Variants in THSD4 observed in about 807,000 individuals in gnomAD.
THSD4 encodes thrombospondin type-1 domain-containing protein 4.
In THSD4, 69 loss-of-function variants were observed where a neutral mutation model predicts 119.0. The ratio of observed to expected loss-of-function variants is 0.58; its 90% CI spans 0.48 to 0.71. The LOEUF (loss-of-function observed/expected upper bound fraction) is 0.71, where lower values mean the gene tolerates loss of function less well. Among genes scored for constraint, THSD4 ranks in the 30% least tolerant of loss-of-function variants. The pLI, the probability that THSD4 is intolerant of heterozygous loss-of-function variation, is 0.00. For missense variants in THSD4, 1,393 were observed against 1,391.1 expected, an observed-to-expected ratio of 1.00 and a Z score of -0.02; for synonymous variants, 524 against 540.4, an observed-to-expected ratio of 0.97 and a Z score of 0.42.
At chr15:71,322,195 C>T (rs548041663) in intron 6 of THSD4, among the ~76,000 whole-genome samples, 1 of 152,112 alleles carries the variant, frequency 6.6e-6, no homozygotes, top group Non-Finnish European at 1.5e-5. Context: ...CCCTTGGTCT[C>T]CTGATTTGTA....
chr15:71,467,713 C>G (rs1360812816), intron 7 of THSD4, among the ~76,000 whole-genome samples: 50 of 152,114 alleles, frequency 3.3e-4, no homozygotes, highest in Admixed American at 3.3e-3. Context: ...CCACCCAAAT[C>G]TCATCTGAAG....
chr15:71,564,744 A>ATATATTG (rs1248604945), intron 7 of THSD4, among the ~76,000 whole-genome samples: 4 of 68,532 alleles, frequency 5.8e-5, no homozygotes, highest in Non-Finnish European at 9.4e-5. Context: ...ATAATACAAT[A>ATATATTG]TATAGTATAA....
At chr15:71,714,666 G>T (rs1479781885) in intron 8 of THSD4, among the ~76,000 whole-genome samples, 1 of 152,140 alleles carries the variant, frequency 6.6e-6, no homozygotes, top group East Asian at 1.9e-4. Context: ...GACCAACATG[G>T]TGAAACCCTG....
intron 14 of THSD4, among the ~76,000 whole-genome samples, chr15:71,756,907 T>C (rs2053549874): frequency 6.6e-6 from 1 of 152,208 alleles, no homozygotes; most frequent in Non-Finnish European, 1.5e-5. Context: ...TTTCACTGTA[T>C]CCTAGGAGAG....
rs769556610 is a variant in THSD4 at position 71,242,707 on chromosome 15, A to G, written c.523A>G (p.Ile175Val). Residue 175 changes from isoleucine to valine, a missense_variant, in exon 5 of 18, where the codon ATC (isoleucine) becomes GTC (valine). By Grantham distance (29) the Ile-to-Val change is conservative. Coordinates refer to ENST00000261862, the MANE Select transcript of THSD4 (RefSeq NM_024817.3). ...GKYGYGKAPY[I>V]LPLQTDTAHT... is the part of the protein sequence containing the mutation. ...GTATGGCTATGGTAAGGCCCCATAT[A>G]TCTTACCACTGCAGACAGACACTGC... is the stretch of plus-strand genomic sequence containing the variant. 9 of 1,614,000 alleles carry G rather than the reference A, an allele frequency of 5.6e-6. No individual in the cohort carries two copies. The African/African-American group carries it at 1.1e-4, about 19-fold the overall frequency.
chr15:71,223,941 G>A (rs2043994577), intron 4 of THSD4, among the ~76,000 whole-genome samples: 1 of 152,198 alleles, frequency 6.6e-6, no homozygotes, highest in Non-Finnish European at 1.5e-5. Flanking sequence ...AAGTGGAGAA[G>A]AAGTACTCCT....
At chr15:71,767,884 A>G (rs566424920) in intron 16 of THSD4, among the ~76,000 whole-genome samples, 2 of 152,330 alleles carry the variant, frequency 1.3e-5, no homozygotes, top group East Asian at 3.9e-4. Context: ...CCCAGAGCCA[A>G]CTTGTAGAGG....
At chr15:71,349,978 A>T (rs746192790) in intron 6 of THSD4, among the ~76,000 whole-genome samples, 1 of 152,154 alleles carries the variant, frequency 6.6e-6, no homozygotes, top group South Asian at 2.1e-4. Context: ...ACGTAATGCA[A>T]ATCGGTTTAT....
intron 7 of THSD4, among the ~76,000 whole-genome samples, chr15:71,457,517 C>T (rs2047357609): frequency 1.3e-5 from 2 of 151,918 alleles, no homozygotes; most frequent in Non-Finnish European, 2.9e-5. Context: ...AGGGTCCTTT[C>T]AAGGTCTGGC....
chr15:71,735,555 GCT>G (rs1327064930), intron 10 of THSD4, among the ~76,000 whole-genome samples: 1 of 131,336 alleles, frequency 7.6e-6, no homozygotes, highest in African/African-American at 2.9e-5. Context: ...TCTCTTTATT[GCT>G]CTCTGTCTCT....
chr15:71,408,167 C>CAAAA (rs57537140), intron 6 of THSD4, among the ~76,000 whole-genome samples: 1 of 148,252 alleles, frequency 6.7e-6, no homozygotes. Context: ...TACTTAAAGG[C>CAAAA]AAAAAAAAAA....
chr15:71,651,543 G>A (rs2051090278), intron 7 of THSD4, among the ~76,000 whole-genome samples: 1 of 152,086 alleles, frequency 6.6e-6, no homozygotes, highest in South Asian at 2.1e-4. Flanking sequence ...CCCAATGATA[G>A]CTAAGAAGCC....
rs1595792026 is a variant in THSD4 at position 71,463,317 on chromosome 15, G to T, written c.1152+51494G>T. 3.9e-5 allele frequency among the ~76,000 whole-genome samples: 6 copies of T among 152,250 alleles called. No homozygotes were observed. The South Asian group carries it at 1.2e-3, about 32-fold the overall frequency. On this transcript the variant is annotated intron_variant, in intron 7 of 17. Transcript: ENST00000261862. ...TATCCAAGTCACATATGGTAATGAG[G>T]AGTAGAACAGGACCCGTGACAGAGC...
chr15:71,633,220 G>A (rs1179194944), intron 7 of THSD4, among the ~76,000 whole-genome samples: 1 of 151,128 alleles, frequency 6.6e-6, no homozygotes, highest in African/African-American at 2.4e-5. Context: ...GGAATATAGT[G>A]CCTTGAATCA....
chr15:71,476,041 T>C (rs1020526009), intron 7 of THSD4, among the ~76,000 whole-genome samples: 2 of 152,192 alleles, frequency 1.3e-5, no homozygotes, highest in Non-Finnish European at 2.9e-5. Context: ...ATTAATCTTC[T>C]CGAGCCTCAC....
chr15:71,128,170 G>A lies in THSD4; in HGVS notation c.-80+12472G>A, dbSNP rs190499595. 3.2e-4 allele frequency among the ~76,000 whole-genome samples: 48 copies of A among 151,634 alleles called. 1 individual carries two copies. The highest frequency in any genetic ancestry group is 2.6e-3 in the Admixed American group (39 of 15,206). On this transcript the variant is annotated intron_variant, in intron 1 of 17. Coordinates refer to ENST00000261862, the MANE Select transcript of THSD4 (RefSeq NM_024817.3). Reference sequence around the variant, plus strand: ...GAATCAGTGGATTGGAAGATGTAACGATAGAAATTACCCAACCTGAGCAAC... The same window carrying A: ...GAATCAGTGGATTGGAAGATGTAACAATAGAAATTACCCAACCTGAGCAAC...
chr15:71,414,697 T>C (rs772482720), intron 7 of THSD4, among the ~76,000 whole-genome samples: 93 of 152,212 alleles, frequency 6.1e-4, no homozygotes, highest in Non-Finnish European at 1.1e-3. Context: ...CAAACACTTA[T>C]AAGGACATGG....
intron 8 of THSD4, among the ~76,000 whole-genome samples, chr15:71,673,686 T>C (rs977907336): frequency 1.3e-5 from 2 of 152,254 alleles, no homozygotes; most frequent in African/African-American, 4.8e-5. Context: ...TCTGGTACAT[T>C]GTGTCTTTGT....
At chr15:71,689,432 T>C (rs1240114308) in intron 8 of THSD4, among the ~76,000 whole-genome samples, 3 of 152,152 alleles carry the variant, frequency 2.0e-5, no homozygotes, top group Admixed American at 6.5e-5. Flanking sequence ...TCTCCTCACA[T>C]ATAAAGTGAG....
Sources: gnomAD v4.1 joint callset for allele counts (sites outside exome capture counted in the v4.1 genomes callset) on GRCh38, gnomAD v4.1.1 for gene constraint, MANE v1.5 for transcripts, NCBI Gene and HGNC (gene_info 2026-07-23, HGNC 2026-07-21) for gene names.